Variants in EFNA5 observed in about 807,000 individuals in gnomAD.
EFNA5 encodes ephrin-A5.
Under a neutral mutation model 22.9 loss-of-function variants are expected in EFNA5, and 5 were observed. The observed-to-expected ratio is 0.22, with a 90% CI of 0.11 to 0.46. The LOEUF is 0.46. EFNA5 is among the 20% of genes least tolerant of loss of function. The pLI is 0.99. For synonymous variants in EFNA5, 113 were observed against 112.2 expected (o/e 1.01, Z -0.04); for missense variants, 237 against 293.3 (o/e 0.81, Z 1.40).
At chr5:107,437,936 T>C (rs1749159330) in intron 1 of EFNA5, among the ~76,000 whole-genome samples, 1 of 152,206 alleles carries the variant, frequency 6.6e-6, no homozygotes, top group Admixed American at 6.5e-5. Context: ...AGTAGACAAC[T>C]TAAGCACCTA....
chr5:107,569,571 A>G (rs464670), intron 1 of EFNA5, among the ~76,000 whole-genome samples: 4 of 25,844 alleles, frequency 1.5e-4, no homozygotes, highest in East Asian at 1.2e-3. Flanking sequence ...ATATATATAT[A>G]TATATATATA....
chr5:107,646,622 C>T (rs1022599840), intron 1 of EFNA5, among the ~76,000 whole-genome samples: 3 of 152,036 alleles, frequency 2.0e-5, no homozygotes, highest in Non-Finnish European at 4.4e-5. Context: ...TCCCTGTAAA[C>T]ACTGAGACAG....
chr5:107,653,029 T>C (rs892464366), intron 1 of EFNA5, among the ~76,000 whole-genome samples: 11 of 151,174 alleles, frequency 7.3e-5, no homozygotes, highest in Non-Finnish European at 1.6e-4. Context: ...CCCAAGAGAG[T>C]GTGTAATCCG....
chr5:107,454,014 T>C (rs1749626826), intron 1 of EFNA5, among the ~76,000 whole-genome samples: 1 of 152,242 alleles, frequency 6.6e-6, no homozygotes, highest in East Asian at 1.9e-4. Flanking sequence ...CAGATCAATA[T>C]TAACCCACTC....
At chr5:107,447,861 CCT>C (rs1749437549) in intron 1 of EFNA5, among the ~76,000 whole-genome samples, 1 of 151,820 alleles carries the variant, frequency 6.6e-6, no homozygotes, top group Non-Finnish European at 1.5e-5. Flanking sequence ...TTATTTCCCC[CCT>C]CTGAGATGGA....
intron 1 of EFNA5, among the ~76,000 whole-genome samples, chr5:107,572,351 C>T (rs962787956): frequency 1.3e-5 from 2 of 152,152 alleles, no homozygotes; most frequent in African/African-American, 2.4e-5. Context: ...CAGCAGTCAC[C>T]GCCCCAAACC....
At chr5:107,417,089 A>G (rs1264757874) in intron 2 of EFNA5, among the ~76,000 whole-genome samples, 1 of 152,198 alleles carries the variant, frequency 6.6e-6, no homozygotes, top group Non-Finnish European at 1.5e-5. Flanking sequence ...AAAACAATAT[A>G]CATTCTTCTT....
In EFNA5 at chr5:107,378,152, A is replaced by G. The variant is rs1747320058; in HGVS notation, c.*3103T>C. On this transcript the variant is annotated 3_prime_UTR_variant, in exon 5 of 5. Transcript: ENST00000333274. Reference sequence around the variant, plus strand: ...ACTTTATTATCAAACACTATGTACAACAGAGGTTGCTAATAATACAGAATT... The same window carrying G: ...ACTTTATTATCAAACACTATGTACAGCAGAGGTTGCTAATAATACAGAATT... 6.6e-6 allele frequency: 1 copy of G among 152,080 alleles called. No homozygotes were observed. The highest frequency in any genetic ancestry group is 6.6e-5 in the Admixed American group (1 of 15,258). The allele number at this position is 152,080 out of a possible 1,614,324, so 9.4% of individuals were successfully genotyped here. A position where few individuals can be genotyped will look rare whatever the true frequency, so the allele number is the denominator to read the frequency against.
At chr5:107,501,823 G>C (rs763199381) in intron 1 of EFNA5, among the ~76,000 whole-genome samples, 1 of 151,656 alleles carries the variant, frequency 6.6e-6, no homozygotes, top group East Asian at 2.0e-4. Context: ...TTTAATTCAC[G>C]CCATTAAACA....
intron 1 of EFNA5, among the ~76,000 whole-genome samples, chr5:107,587,294 C>T (rs1749209058): frequency 6.6e-6 from 1 of 152,126 alleles, no homozygotes; most frequent in African/African-American, 2.4e-5. Flanking sequence ...AAGTGGAAGC[C>T]TCTTGGCCTC....
chr5:107,580,987 G>A (rs554239176), intron 1 of EFNA5, among the ~76,000 whole-genome samples: 10 of 152,110 alleles, frequency 6.6e-5, no homozygotes, highest in Non-Finnish European at 1.3e-4. Flanking sequence ...TTTTTTTACC[G>A]TAAATTTGTG....
intron 1 of EFNA5, among the ~76,000 whole-genome samples, chr5:107,595,352 G>T (rs868513115): frequency 1.3e-5 from 2 of 151,710 alleles, no homozygotes; most frequent in Non-Finnish European, 2.9e-5. Flanking sequence ...ATACAACAAG[G>T]GGCTCACTAT....
intron 1 of EFNA5, among the ~76,000 whole-genome samples, chr5:107,579,561 C>A (rs1276636633): frequency 6.6e-6 from 1 of 151,946 alleles, no homozygotes; most frequent in African/African-American, 2.4e-5. Context: ...AAAGACCACC[C>A]TTGAATAAAA....
At chr5:107,627,125 C>T (rs974888207) in intron 1 of EFNA5, among the ~76,000 whole-genome samples, 2 of 152,102 alleles carry the variant, frequency 1.3e-5, no homozygotes, top group Non-Finnish European at 2.9e-5. Context: ...TGATTTATTT[C>T]CATTTTGAAT....
At chr5:107,461,511 C>T (rs549928785) in intron 1 of EFNA5, among the ~76,000 whole-genome samples, 2 of 151,932 alleles carry the variant, frequency 1.3e-5, no homozygotes, top group Non-Finnish European at 2.9e-5. Flanking sequence ...ACCTTTTCTA[C>T]AGGTTGTAAT....
intron 1 of EFNA5, chr5:107,506,159 T>C (rs998882051): frequency 1.3e-5 from 2 of 152,342 alleles, no homozygotes; most frequent in African/African-American, 2.4e-5. Context: ...CCTTCCCAGA[T>C]TTCCCTCAGG....
chr5:107,663,191 C>T (rs1223844455), intron 1 of EFNA5, among the ~76,000 whole-genome samples: 1 of 150,914 alleles, frequency 6.6e-6, no homozygotes, highest in Non-Finnish European at 1.5e-5. Context: ...GAAATAAAAT[C>T]GGTCTTAAAA....
chr5:107,601,706 T>C (rs1373738783), intron 1 of EFNA5, among the ~76,000 whole-genome samples: 1 of 152,210 alleles, frequency 6.6e-6, no homozygotes, highest in Non-Finnish European at 1.5e-5. Flanking sequence ...CTAGACATTG[T>C]GCAAGGTGCT....
intron 1 of EFNA5, among the ~76,000 whole-genome samples, chr5:107,439,052 G>A (rs1159804787): frequency 6.6e-6 from 1 of 152,142 alleles, no homozygotes; most frequent in East Asian, 1.9e-4. Flanking sequence ...CAGTGTTACA[G>A]ACTGAATGTC....
Sources: allele counts gnomAD v4.1 joint callset (sites outside exome capture counted in the v4.1 genomes callset), GRCh38; gene constraint gnomAD v4.1.1; transcripts MANE v1.5; gene names NCBI Gene and HGNC (gene_info 2026-07-23, HGNC 2026-07-21).